MYO1H: variants seen among roughly 807,000 people sequenced by gnomAD.
The protein encoded by MYO1H is unconventional myosin-Ih.
In MYO1H, 118 loss-of-function variants were observed where a neutral mutation model predicts 149.3. That is an observed-to-expected ratio of 0.79 (90% CI 0.68 to 0.92). The LOEUF is 0.92. MYO1H is among the 40% of genes least tolerant of loss of function. MYO1H has a pLI of 0.00. For missense variants in MYO1H, 1,212 were observed against 1,280.7 expected, an observed-to-expected ratio of 0.95 and a Z score of 0.82; for synonymous variants, 447 against 465.2, an observed-to-expected ratio of 0.96 and a Z score of 0.50.
At chr12:109,407,955 G>T (rs1210920604) in intron 10 of MYO1H, 42 bp downstream of exon 10, 2 of 1,579,600 alleles carry the variant, frequency 1.3e-6, no homozygotes, top group South Asian at 1.1e-5. Flanking sequence ...TGCTCACGTG[G>T]TGATGTTTTA....
intron 15 of MYO1H, among the ~76,000 whole-genome samples, chr12:109,417,960 C>G (rs1047854158): frequency 1.3e-5 from 2 of 150,890 alleles, no homozygotes; most frequent in Non-Finnish European, 3.0e-5. Flanking sequence ...GGACTACAGG[C>G]GCCCGCCACC....
At chr12:109,438,498 T>C in intron 22 of MYO1H, 38 bp from the exon 23 acceptor site, 1 of 1,524,600 alleles carries the variant, frequency 6.6e-7, no homozygotes, top group Non-Finnish European at 9.1e-7. Flanking sequence ...TCCATACGAT[T>C]GTGCTCACCT....
chr12:109,331,340 A>G, the MYO1H span, among the ~76,000 whole-genome samples: 2 of 152,218 alleles, frequency 1.3e-5, no homozygotes, highest in Non-Finnish European at 2.9e-5. Flanking sequence ...ATCCCACCAC[A>G]TAGACACTGA....
At chr12:109,426,783 G>T (rs1029187780) in intron 18 of MYO1H, among the ~76,000 whole-genome samples, 1 of 152,142 alleles carries the variant, frequency 6.6e-6, no homozygotes, top group African/African-American at 2.4e-5. Context: ...ACCATCAGAG[G>T]CTCACAGAGG....
intron 1 of MYO1H, among the ~76,000 whole-genome samples, chr12:109,378,755 G>A (rs542333576): frequency 1.3e-5 from 2 of 150,154 alleles, no homozygotes; most frequent in African/African-American, 4.9e-5. Flanking sequence ...AAGCTAGCAC[G>A]TAGAGAGATT....
chr12:109,325,261 G>A, the MYO1H span, among the ~76,000 whole-genome samples: 1 of 152,150 alleles, frequency 6.6e-6, no homozygotes, highest in Admixed American at 6.5e-5. Flanking sequence ...GGATCAAATG[G>A]TATTTCTGGT....
At chr12:109,393,407 T>C (rs1331293931) in exon 3 of MYO1H, 1 of 1,588,616 alleles carries the variant, frequency 6.3e-7, no homozygotes, top group Non-Finnish European at 8.6e-7. Context: ...CAGATGGAAC[T>C]TTATCAAGGG....
chr12:109,415,897 A>G (rs982919874), intron 15 of MYO1H, among the ~76,000 whole-genome samples: 4 of 151,500 alleles, frequency 2.6e-5, no homozygotes, highest in African/African-American at 9.7e-5. Flanking sequence ...TGAAAACATT[A>G]CCACCATTCA....
the MYO1H span, among the ~76,000 whole-genome samples, chr12:109,331,840 T>C: frequency 1.1e-4 from 17 of 152,338 alleles, no homozygotes; most frequent in African/African-American, 3.8e-4. Flanking sequence ...CTTTTGCATT[T>C]AGTGCAATTC....
the MYO1H span, among the ~76,000 whole-genome samples, chr12:109,327,240 C>A: frequency 1.4e-5 from 2 of 146,496 alleles, no homozygotes; most frequent in East Asian, 2.1e-4. Flanking sequence ...TCAAGCAATT[C>A]TCTGCCTCAG....
the MYO1H span, among the ~76,000 whole-genome samples, chr12:109,318,983 T>TTTTTTTGTTTTTTTTGTTTTTTTTG: frequency 1.4e-5 from 2 of 144,822 alleles, no homozygotes; most frequent in African/African-American, 5.2e-5. Flanking sequence ...TTTTTTTTTT[T>TTTTTTTGTTTTTTTTGTTTTTTTTG]TTTTTTTTTT....
At chr12:109,365,686 G>C (rs1868851661) in intron 1 of MYO1H, among the ~76,000 whole-genome samples, 1 of 152,158 alleles carries the variant, frequency 6.6e-6, no homozygotes, top group Non-Finnish European at 1.5e-5. Flanking sequence ...TTCACAGGGG[G>C]GTTGTGAGGA....
At chr12:109,399,450 A>G (rs1870062274) in intron 5 of MYO1H, among the ~76,000 whole-genome samples, 1 of 151,724 alleles carries the variant, frequency 6.6e-6, no homozygotes, top group African/African-American at 2.4e-5. Context: ...AAATTAGCCG[A>G]GTGTGGTGGC....
chr12:109,420,994 A>G, exon 16 of MYO1H: 1 of 1,585,804 alleles, frequency 6.3e-7, no homozygotes, highest in Non-Finnish European at 8.6e-7. Context: ...TCTTGGAAAA[A>G]AACAATGATC....
chr12:109,432,974 A>C (rs762219297), exon 20 of MYO1H: 1 of 1,614,062 alleles, frequency 6.2e-7, no homozygotes, highest in Non-Finnish European at 8.5e-7. Context: ...CTGATCAAGT[A>C]CATCGGCTAC....
intron 1 of MYO1H, among the ~76,000 whole-genome samples, chr12:109,358,880 ATAAATATT>A (rs1868673631): frequency 6.7e-6 from 1 of 148,318 alleles, no homozygotes; most frequent in Admixed American, 6.7e-5. Flanking sequence ...AGGCTCTAAG[ATAAATATT>A]TCCCAACCTT....
chr12:109,421,525 A>G (rs769759017), intron 16 of MYO1H, among the ~76,000 whole-genome samples: 3 of 152,168 alleles, frequency 2.0e-5, no homozygotes, highest in Non-Finnish European at 4.4e-5. Context: ...TTCCAGGTAG[A>G]GAGACCAGTA....
the MYO1H span, among the ~76,000 whole-genome samples, chr12:109,327,985 G>T: frequency 2.0e-5 from 3 of 151,684 alleles, no homozygotes; most frequent in African/African-American, 4.8e-5. Context: ...TGATTGCATT[G>T]TTTGATATAC....
chr12:109,440,655 C>A, intron 24 of MYO1H, 89 bp from the exon 25 acceptor site: 1 of 892,300 alleles, frequency 1.1e-6, no homozygotes, highest in Non-Finnish European at 1.8e-6. Flanking sequence ...CTGAATTCAG[C>A]AGTGTTTTTT....
Sources: gnomAD v4.1 joint callset for allele counts (sites outside exome capture counted in the v4.1 genomes callset) on GRCh38, gnomAD v4.1.1 for gene constraint, MANE v1.5 for transcripts, NCBI Gene and HGNC (gene_info 2026-07-23, HGNC 2026-07-21) for gene names.